PPP1R1C: variants seen among roughly 807,000 people sequenced by gnomAD.
The protein encoded by PPP1R1C is protein phosphatase 1 regulatory subunit 1C.
Under a neutral mutation model 17.4 loss-of-function variants are expected in PPP1R1C, and 15 were observed. That is an observed-to-expected ratio of 0.86 (90% CI 0.58 to 1.33). The LOEUF is 1.33. Ranked by LOEUF, PPP1R1C falls within the 40% of genes most tolerant of loss-of-function variation. PPP1R1C has a pLI of 0.00. For synonymous variants in PPP1R1C, 35 were observed against 43.1 expected (o/e 0.81, Z 0.73); for missense variants, 143 against 130.0 (o/e 1.10, Z -0.48).
chr2:182,079,067 A>G (rs1257969941), intron 4 of PPP1R1C, among the ~76,000 whole-genome samples: 2 of 152,250 alleles, frequency 1.3e-5, no homozygotes, highest in Non-Finnish European at 2.9e-5. Context: ...TGGAGACAAG[A>G]TCAGAAATAT....
rs533614994 is a variant in PPP1R1C, at chr2:181,961,392, G to A, written n.111+6758G>A. ...TGACCTTGATGTTCAGCAGAGCCTC[G>A]TACTCCCCGATCTGGTGCTGTCCCT... On this transcript the variant is annotated intron_variant and non_coding_transcript_variant, in intron 1 of 5. Coordinates refer to the PPP1R1C transcript ENST00000464264. The surrounding 1 kb of genome is among the most constrained non-coding windows in gnomAD (Gnocchi z 5.8). 3.3e-5 allele frequency: 24 copies of A among 719,364 alleles called. No individual in the cohort carries two copies. Among genetic ancestry groups the A allele is most frequent in the East Asian group, 1.3e-4 (5 of 38,694 alleles). 44.6% of individuals were successfully genotyped at this position (719,364 alleles called of 1,614,324 possible). A position where few individuals can be genotyped will look rare whatever the true frequency, so the allele number is the denominator to read the frequency against.
chr2:182,105,843 A>C (rs971131597), intron 4 of PPP1R1C, among the ~76,000 whole-genome samples: 12 of 152,180 alleles, frequency 7.9e-5, no homozygotes, highest in Non-Finnish European at 1.6e-4. Flanking sequence ...CTATGGATGT[A>C]TTAGTTTGCT....
At chr2:182,080,516 G>C (rs1688443609) in intron 4 of PPP1R1C, among the ~76,000 whole-genome samples, 1 of 152,086 alleles carries the variant, frequency 6.6e-6, no homozygotes, top group Admixed American at 6.5e-5. Context: ...CATTCACCCA[G>C]ATAAAAAGCA....
intron 2 of PPP1R1C, among the ~76,000 whole-genome samples, chr2:182,001,876 C>G (rs1332907883): frequency 6.6e-6 from 1 of 152,102 alleles, no homozygotes; most frequent in Non-Finnish European, 1.5e-5. Flanking sequence ...CTTTCCCTCA[C>G]CTTATACACA....
chr2:182,043,264 T>A (rs1465403966), intron 2 of PPP1R1C, among the ~76,000 whole-genome samples: 1 of 152,180 alleles, frequency 6.6e-6, no homozygotes, highest in Non-Finnish European at 1.5e-5. Context: ...ACCAAAATTT[T>A]ATTTTACAAG....
At chr2:182,010,924 C>T (rs1686072060) in intron 2 of PPP1R1C, among the ~76,000 whole-genome samples, 1 of 151,860 alleles carries the variant, frequency 6.6e-6, no homozygotes, top group Non-Finnish European at 1.5e-5. Flanking sequence ...TGTATCACAT[C>T]GTTTGATTTG....
intron 2 of PPP1R1C, among the ~76,000 whole-genome samples, chr2:182,005,158 C>G (rs950594365): frequency 6.6e-6 from 1 of 152,096 alleles, no homozygotes; most frequent in Non-Finnish European, 1.5e-5. Flanking sequence ...ACTTTGATAA[C>G]GTTGGCAATA....
chr2:182,054,657 G>T (rs1687628273), intron 2 of PPP1R1C, among the ~76,000 whole-genome samples: 1 of 151,820 alleles, frequency 6.6e-6, no homozygotes, highest in Non-Finnish European at 1.5e-5. Context: ...GTGTAAGTGT[G>T]TGTGTGTGTG....
rs1684920642 is a variant in PPP1R1C, at chr2:181,967,257, TTTA to T, written n.112-7958_112-7956del. Among the ~76,000 whole-genome samples the T allele has an allele frequency of 6.6e-6, 1 of 152,136 alleles. No homozygotes were observed. Among genetic ancestry groups the T allele is most frequent in the African/African-American group, 2.4e-5 (1 of 41,472 alleles). ...TCTTTTCAAAAAACCAAATTTTCCC[TTTA>T]TTAATCTCATATTTTTTGGTTTCAA... On this transcript the variant is annotated intron_variant and non_coding_transcript_variant, in intron 1 of 5. Coordinates refer to the PPP1R1C transcript ENST00000464264. The surrounding 1 kb of genome is among the most constrained non-coding windows in gnomAD (Gnocchi z 5.5).
intron 2 of PPP1R1C, among the ~76,000 whole-genome samples, chr2:182,057,257 A>G (rs1480565861): frequency 6.6e-6 from 1 of 152,184 alleles, no homozygotes; most frequent in Non-Finnish European, 1.5e-5. Context: ...ACACTAATGG[A>G]CATGATATAG....
chr2:182,055,702 C>T (rs1687663105), intron 2 of PPP1R1C, among the ~76,000 whole-genome samples: 1 of 152,110 alleles, frequency 6.6e-6, no homozygotes, highest in South Asian at 2.1e-4. Flanking sequence ...GTGCTGCTTC[C>T]TTCTGGCTTC....
At chr2:182,074,656 C>T (rs1314401297) in intron 4 of PPP1R1C, among the ~76,000 whole-genome samples, 3 of 152,148 alleles carry the variant, frequency 2.0e-5, no homozygotes, top group Non-Finnish European at 4.4e-5. Context: ...CATTTTCCCT[C>T]CTAAAACTTT....
At chr2:181,972,331 A>T (rs995364925) in intron 1 of PPP1R1C, among the ~76,000 whole-genome samples, 2 of 152,250 alleles carry the variant, frequency 1.3e-5, no homozygotes, top group Non-Finnish European at 2.9e-5. Context: ...AAAATGTGTG[A>T]TGTACGAAAA....
At chr2:182,013,996 C>G (rs1311896784) in intron 2 of PPP1R1C, among the ~76,000 whole-genome samples, 1 of 152,166 alleles carries the variant, frequency 6.6e-6, no homozygotes, top group African/African-American at 2.4e-5. Context: ...AATTCTCTGT[C>G]TAAAAGTTTA....
At chr2:182,020,783 A>G (rs1330069599) in intron 2 of PPP1R1C, among the ~76,000 whole-genome samples, 1 of 152,118 alleles carries the variant, frequency 6.6e-6, no homozygotes, top group African/African-American at 2.4e-5. Flanking sequence ...AACCTTTTCT[A>G]TATGGTATTT....
At chr2:182,035,067 A>G (rs1274323967) in intron 2 of PPP1R1C, among the ~76,000 whole-genome samples, 1 of 152,178 alleles carries the variant, frequency 6.6e-6, no homozygotes, top group East Asian at 1.9e-4. Context: ...TGCTCAATAA[A>G]TGCTTTGTGA....
chr2:182,112,359 T>C (rs1302252384), intron 4 of PPP1R1C, among the ~76,000 whole-genome samples: 1 of 152,164 alleles, frequency 6.6e-6, no homozygotes, highest in African/African-American at 2.4e-5. Flanking sequence ...CTATTATCTT[T>C]CTGACTCCAA....
intron 2 of PPP1R1C, among the ~76,000 whole-genome samples, chr2:182,019,808 A>T (rs1686364263): frequency 1.3e-5 from 2 of 152,214 alleles, no homozygotes; most frequent in South Asian, 4.1e-4. Context: ...AGCTCCAGGG[A>T]TCAGATCCAG....
chr2:182,067,698 C>T (rs1305983712), intron 4 of PPP1R1C, among the ~76,000 whole-genome samples: 1 of 152,046 alleles, frequency 6.6e-6, no homozygotes, highest in African/African-American at 2.4e-5. Flanking sequence ...AAAATATATT[C>T]AAATATGCTG....
Sources: gnomAD v4.1 joint callset for allele counts (sites outside exome capture counted in the v4.1 genomes callset) on GRCh38, gnomAD v4.1.1 for gene constraint, Gnocchi (gnomAD v3.1) non-coding constraint, MANE v1.5 for transcripts, NCBI Gene and HGNC (gene_info 2026-07-23, HGNC 2026-07-21) for gene names.